Variants in NRG1 observed in about 807,000 individuals in gnomAD.
NRG1 encodes neuregulin 1.
A neutral mutation model predicts 63.8 loss-of-function variants in NRG1; 18 were observed. The ratio of observed to expected loss-of-function variants is 0.28; its 90% CI spans 0.19 to 0.42. The LOEUF is 0.42. Among genes scored for constraint, NRG1 ranks in the 10% least tolerant of loss-of-function variants. NRG1 has a pLI of 1.00. For synonymous variants in NRG1, 302 were observed against 301.3 expected (o/e 1.00, Z -0.02); for missense variants, 762 against 814.7 (o/e 0.94, Z 0.79).
intron 1 of NRG1, among the ~76,000 whole-genome samples, chr8:32,580,727 T>C (rs998288258): frequency 6.6e-6 from 1 of 152,182 alleles, no homozygotes; most frequent in African/African-American, 2.4e-5. Context: ...TCTGAAGTGG[T>C]AAAATTGTAA....
downstream of NRG1, among the ~76,000 whole-genome samples, chr8:32,768,392 C>T (rs1831580476): frequency 6.6e-6 from 1 of 152,166 alleles, no homozygotes; most frequent in Admixed American, 6.5e-5. Flanking sequence ...TCCAATGGCC[C>T]ATAGTGGCCT....
intron 5 of NRG1, among the ~76,000 whole-genome samples, chr8:32,644,303 G>T (rs1257233238): frequency 6.6e-6 from 1 of 152,148 alleles, no homozygotes; most frequent in Admixed American, 6.5e-5. Flanking sequence ...CTGGGGTGGA[G>T]CTTAAAGGGT....
At chr8:31,819,160 G>A (rs780075682) in intron 1 of NRG1, among the ~76,000 whole-genome samples, 3 of 152,128 alleles carry the variant, frequency 2.0e-5, no homozygotes, top group Non-Finnish European at 4.4e-5. Flanking sequence ...GATTGTTTGA[G>A]TCCAGGAGTT....
intron 1 of NRG1, among the ~76,000 whole-genome samples, chr8:32,003,991 G>T (rs1027273058): frequency 1.3e-5 from 2 of 151,998 alleles, no homozygotes; most frequent in African/African-American, 4.8e-5. Flanking sequence ...GACCACTTAA[G>T]ATGTGCTTTG....
chr8:32,025,933 G>A (rs1345749373), intron 1 of NRG1, among the ~76,000 whole-genome samples: 2 of 132,834 alleles, frequency 1.5e-5, no homozygotes, highest in African/African-American at 5.5e-5. Context: ...CCGAGAGAGC[G>A]AGACTCCGTC....
rs1822598065 is a variant in NRG1, at chr8:31,809,307, T to C, written c.37+169876T>C. On this transcript the variant is annotated intron_variant, in intron 1 of 10. Transcript: ENST00000519301. ...CAGTCTAAAGATGTATATCTTTTCC[T>C]TCAGTTTTTTTTTTCTCTCTCTCTC... 1.3e-5 allele frequency among the ~76,000 whole-genome samples: 2 copies of C among 148,170 alleles called. 1 individual carries two copies. The highest frequency in any genetic ancestry group is 1.4e-4 in the Admixed American group (2 of 14,784).
At chr8:31,893,748 GTTTA>G (rs1208985510) in intron 1 of NRG1, among the ~76,000 whole-genome samples, 7 of 151,996 alleles carry the variant, frequency 4.6e-5, no homozygotes, top group South Asian at 2.1e-4. Flanking sequence ...GTAAAGAATA[GTTTA>G]TTTAACATGT....
At chr8:32,512,941 A>G (rs1462337277) in intron 1 of NRG1, among the ~76,000 whole-genome samples, 1 of 152,182 alleles carries the variant, frequency 6.6e-6, no homozygotes, top group Non-Finnish European at 1.5e-5. Flanking sequence ...AGGTAGTGAG[A>G]TATCAAACTG....
chr8:32,668,087 C>A (rs1479537352), intron 5 of NRG1, among the ~76,000 whole-genome samples: 1 of 151,916 alleles, frequency 6.6e-6, no homozygotes, highest in Non-Finnish European at 1.5e-5. Context: ...ATGGTGGGTG[C>A]CTGTAGTCCC....
At chr8:32,662,145 C>G (rs1007754926) in intron 5 of NRG1, among the ~76,000 whole-genome samples, 3 of 151,952 alleles carry the variant, frequency 2.0e-5, no homozygotes, top group Non-Finnish European at 2.9e-5. Context: ...TCTTATGTAT[C>G]AATAAGAAAT....
chr8:32,196,305 G>T (rs1364744203), intron 1 of NRG1, among the ~76,000 whole-genome samples: 1 of 152,148 alleles, frequency 6.6e-6, no homozygotes, highest in Admixed American at 6.6e-5. Flanking sequence ...AATTACGGAA[G>T]AAGGGTAGAG....
At chr8:31,984,511 A>G (rs1418068038) in intron 1 of NRG1, among the ~76,000 whole-genome samples, 1 of 152,080 alleles carries the variant, frequency 6.6e-6, no homozygotes, top group Non-Finnish European at 1.5e-5. Flanking sequence ...AATATATTGA[A>G]TAATATACAA....
intron 5 of NRG1, among the ~76,000 whole-genome samples, chr8:32,625,145 T>A (rs1254866736): frequency 6.6e-6 from 1 of 152,248 alleles, no homozygotes; most frequent in Non-Finnish European, 1.5e-5. Flanking sequence ...CACTCTGTTA[T>A]AATGCACCTC....
chr8:31,897,430 T>C (rs367619978), intron 1 of NRG1, among the ~76,000 whole-genome samples: 21 of 152,310 alleles, frequency 1.4e-4, no homozygotes, highest in African/African-American at 5.1e-4. Context: ...TTATCTCAAA[T>C]TATGGTTTTT....
In NRG1 at chr8:31,751,656, G is replaced by T. The variant is rs191896775; in HGVS notation, c.37+112225G>T. ...TGTGGTGTGGAGAACTGACTGTGTG[G>T]ACACAGACAGACTTTCACTTCAATC... On this transcript the variant is annotated intron_variant, in intron 1 of 10. Coordinates refer to the NRG1 transcript ENST00000519301. 4.5e-4 allele frequency among the ~76,000 whole-genome samples: 68 copies of T among 152,098 alleles called. 1 individual carries two copies. In the East Asian group the frequency reaches 0.013, roughly 29 times the overall value.
chr8:32,000,134 G>A (rs1252715465), intron 1 of NRG1, among the ~76,000 whole-genome samples: 1 of 152,000 alleles, frequency 6.6e-6, no homozygotes, highest in Non-Finnish European at 1.5e-5. Flanking sequence ...TTTAAAGCCT[G>A]CTAAATGTGT....
intron 1 of NRG1, among the ~76,000 whole-genome samples, chr8:31,886,138 T>C (rs1357317024): frequency 6.6e-6 from 1 of 152,160 alleles, no homozygotes; most frequent in African/African-American, 2.4e-5. Flanking sequence ...CAGTTTTCCA[T>C]GTCCAGAGTT....
At chr8:32,720,227 T>A (rs1358324786) in intron 5 of NRG1, among the ~76,000 whole-genome samples, 4 of 152,172 alleles carry the variant, frequency 2.6e-5, no homozygotes, top group Non-Finnish European at 5.9e-5. Context: ...TTTGTTTTGC[T>A]TGGTACGAAA....
At chr8:32,212,763 A>G (rs1844823318) in intron 1 of NRG1, among the ~76,000 whole-genome samples, 1 of 151,972 alleles carries the variant, frequency 6.6e-6, no homozygotes, top group Admixed American at 6.6e-5. Context: ...CCAGCAATAA[A>G]CCTTATTGGT....
Sources: allele counts gnomAD v4.1 joint callset (sites outside exome capture counted in the v4.1 genomes callset), GRCh38; gene constraint gnomAD v4.1.1; transcripts MANE v1.5; gene names NCBI Gene and HGNC (gene_info 2026-07-23, HGNC 2026-07-21).